ZC3H7B: variants seen among roughly 807,000 people sequenced by gnomAD.
The protein encoded by ZC3H7B is zinc finger CCCH-type containing 7B, also known as zinc finger CCCH domain-containing protein 7B.
Under a neutral mutation model 116.0 loss-of-function variants are expected in ZC3H7B, and 35 were observed. The observed-to-expected ratio is 0.30, with a 90% confidence interval of 0.23 to 0.40. The LOEUF (loss-of-function observed/expected upper bound fraction) is 0.40. Among genes scored for constraint, ZC3H7B ranks in the 10% least tolerant of loss-of-function variants. The probability of loss-of-function intolerance (pLI) is 1.00; values close to 1 mark genes in which losing one functional copy is unlikely to be tolerated. For synonymous variants in ZC3H7B, 502 were observed against 545.6 expected (o/e 0.92, Z 1.11); for missense variants, 1,011 against 1,321.5 (o/e 0.77, Z 3.64).
chr22:41,318,615 GGC>G (rs1288176296), intron 1 of ZC3H7B, among the ~76,000 whole-genome samples: 1 of 151,894 alleles, frequency 6.6e-6, no homozygotes, highest in East Asian at 1.9e-4. Flanking sequence ...GAGGCATGGT[GGC>G]GCGCGCCTGT....
In ZC3H7B at chr22:41,355,488, G is replaced by C. The variant is rs778293601; in HGVS notation, c.2054G>C (p.Gly685Ala). The C allele has an allele frequency of 6.2e-7, 1 of 1,614,116 alleles. No homozygotes were observed. The highest frequency in any genetic ancestry group is 8.5e-7 in the Non-Finnish European group (1 of 1,180,012). Residue 685 changes from glycine to alanine, a missense_variant, in exon 18 of 23, where the codon GGG (glycine) becomes GCG (alanine). Transcript: ENST00000352645. Reference sequence around the variant, plus strand: ...CCACAGGGTGCTCCGAGGACACATGGGCCCAGCACCTTTGACCTGCAGATG... The same window carrying C: ...CCACAGGGTGCTCCGAGGACACATGCGCCCAGCACCTTTGACCTGCAGATG... ...SSSMGAPRTH[G>A]PSTFDLQMKF...
At chr22:41,335,872 A>ACCT (rs1346503629) in intron 7 of ZC3H7B, 2 of 152,798 alleles carry the variant, frequency 1.3e-5, no homozygotes, top group Non-Finnish European at 2.9e-5. Context: ...GTGGGATGAT[A>ACCT]CCTCGCAGGG....
At position 41,327,361 on chromosome 22, in the gene ZC3H7B, C is replaced by T. The variant is rs542352889; in HGVS notation, c.441C>T (p.Pro147=). 3.3e-5 allele frequency: 53 copies of T among 1,610,256 alleles called. 1 individual carries two copies. In the South Asian group the frequency reaches 4.8e-4, roughly 15 times the overall value. Residue 147 remains proline (P), a synonymous_variant, in exon 5 of 23, where the codon CCC becomes CCT. Transcript: ENST00000352645. This position sits in a 1 kb window ranked among gnomAD's most constrained non-coding sequence, Gnocchi z 4.5. Reference sequence around the variant, plus strand: ...GCAGCCGGTGTTCCCTCGCCCTGCCCCACGTGAGTGTGGCTCTGCAGCCAC... The same window carrying T: ...GCAGCCGGTGTTCCCTCGCCCTGCCTCACGTGAGTGTGGCTCTGCAGCCAC... ...ECSSRCSLAL[P]HDESVTQLGQ...
rs1388930074 is a variant in ZC3H7B, at chr22:41,327,114, G to A, written c.286-92G>A. 1 of 1,536,332 alleles carries A rather than the reference G, an allele frequency of 6.5e-7. No homozygotes were observed. Reference sequence around the variant, plus strand: ...AGCTCCTCTGTCTCTGCCAGGAAGGGAAGCTGGTGTTCCTTCCTAGGCAGG... The same window carrying A: ...AGCTCCTCTGTCTCTGCCAGGAAGGAAAGCTGGTGTTCCTTCCTAGGCAGG... On this transcript the variant is annotated intron_variant, in intron 4 of 22. Coordinates refer to ENST00000352645, the MANE Select transcript of ZC3H7B (RefSeq NM_017590.6). This position sits in a 1 kb window ranked among gnomAD's most constrained non-coding sequence, Gnocchi z 4.5.
intron 1 of ZC3H7B, among the ~76,000 whole-genome samples, chr22:41,309,605 G>A (rs1048717822): frequency 2.6e-5 from 4 of 152,102 alleles, no homozygotes; most frequent in African/African-American, 4.8e-5. Context: ...GTGAACCACC[G>A]CATCCGGCCC....
In ZC3H7B at chr22:41,348,120, G is replaced by A. The variant is rs1473747393; in HGVS notation, c.1719G>A (p.Pro573=). 12 of 1,613,998 alleles carry A rather than the reference G, an allele frequency of 7.4e-6. No individual in the cohort carries two copies. Among genetic ancestry groups the A allele is most frequent in the Admixed American group, 1.7e-5 (1 of 60,026 alleles). The change falls in exon 15 of 23, where the codon CCG becomes CCA. Residue 573 remains proline, a synonymous_variant. Transcript: ENST00000352645. The stretch of plus-strand genomic sequence containing the variant: ...TCAGCAAAGGCACCAAGGACTCTCC[G>A]TCTGTCTGCTCCAACCTGGCTGCCA... ...RIISKGTKDS[P]SVCSNLAAKH... is the part of the protein sequence containing the mutation.
chr22:41,325,998 A>G (rs1222548789), intron 4 of ZC3H7B, 80 bp downstream of exon 4: 1 of 1,490,622 alleles, frequency 6.7e-7, no homozygotes, highest in Admixed American at 2.1e-5. Flanking sequence ...CCCATACCCC[A>G]GTGAGCCTGT....
Position 41,301,763 on chromosome 22 carries a change from C to A in ZC3H7B, c.-16C>A, listed in dbSNP as rs1601753686. The A allele has an allele frequency of 6.6e-6, 1 of 151,902 alleles. No homozygotes were observed. The allele number at this position is 151,902 out of a possible 1,614,324, so 9.4% of individuals were successfully genotyped here. On this transcript the variant is annotated 5_prime_UTR_variant, in exon 1 of 23. Transcript: ENST00000352645. ...CGGCGCAGGCCCGCGGGGAGCGCAGCCCGGCGGAGGTGAGTGCTTGGCGCG... is the reference window on the plus strand; with the variant it reads ...CGGCGCAGGCCCGCGGGGAGCGCAGACCGGCGGAGGTGAGTGCTTGGCGCG...
At chr22:41,332,091 C>T in intron 6 of ZC3H7B, 80 bp from the exon 7 acceptor site, 1 of 1,547,968 alleles carries the variant, frequency 6.5e-7, no homozygotes, top group South Asian at 1.1e-5. Context: ...GTCAGGGCCT[C>T]TTTGCTGCCC....
chr22:41,313,411 C>T (rs1378731074), intron 1 of ZC3H7B, among the ~76,000 whole-genome samples: 4 of 152,170 alleles, frequency 2.6e-5, no homozygotes, highest in Admixed American at 2.6e-4. Context: ...CGTACCCGGC[C>T]AGATGTCACA....
intron 10 of ZC3H7B, 80 bp from the exon 11 acceptor site, chr22:41,341,008 A>G (rs571870858): frequency 2.1e-6 from 3 of 1,408,518 alleles, no homozygotes; most frequent in East Asian, 4.7e-5. Flanking sequence ...CGAGTCAGCA[A>G]TACATAAGGG....
chr22:41,326,117 C>T (rs528139404), intron 4 of ZC3H7B, among the ~76,000 whole-genome samples, 199 bp downstream of exon 4: 1 of 152,288 alleles, frequency 6.6e-6, no homozygotes, highest in South Asian at 2.1e-4. Context: ...TTTAAAAGTA[C>T]GGATGCATAA....
At chr22:41,315,352 G>GT (rs34182958) in intron 1 of ZC3H7B, among the ~76,000 whole-genome samples, 44,773 of 118,296 alleles carry the variant, frequency 0.38, 9,699 homozygotes, top group African/African-American at 0.47. Context: ...AATTTCTAGT[G>GT]TTTTTTTTTT....
At chr22:41,353,121 G>A (rs766319049) in intron 17 of ZC3H7B, among the ~76,000 whole-genome samples, 1 of 151,960 alleles carries the variant, frequency 6.6e-6, no homozygotes, top group Non-Finnish European at 1.5e-5. Context: ...GGAGAAATAC[G>A]TTGAGACCTT....
At chr22:41,332,355 C>G (rs771723765) in intron 7 of ZC3H7B, 128 bp downstream of exon 7, 2 of 1,137,220 alleles carry the variant, frequency 1.8e-6, no homozygotes, top group Non-Finnish European at 2.6e-6. Flanking sequence ...AGGTACCTCC[C>G]GTGTCCACGG....
chr22:41,341,327 G>A (rs987824645), intron 11 of ZC3H7B, among the ~76,000 whole-genome samples, 181 bp downstream of exon 11: 2 of 152,164 alleles, frequency 1.3e-5, no homozygotes, highest in Non-Finnish European at 1.5e-5. Context: ...CATATGCTGG[G>A]CGGGCACACA....
At chr22:41,317,810 G>T (rs2036203416) in intron 1 of ZC3H7B, among the ~76,000 whole-genome samples, 1 of 151,982 alleles carries the variant, frequency 6.6e-6, no homozygotes, top group African/African-American at 2.4e-5. Flanking sequence ...TTTCCCAGAG[G>T]AGGGAAGGGT....
chr22:41,339,510 C>T (rs2036490420), intron 9 of ZC3H7B, among the ~76,000 whole-genome samples: 1 of 151,968 alleles, frequency 6.6e-6, no homozygotes, highest in Admixed American at 6.6e-5. Flanking sequence ...CCTGTGGTCT[C>T]AGCTCCTCAG....
intron 1 of ZC3H7B, among the ~76,000 whole-genome samples, chr22:41,320,331 C>CAA (rs74353356): frequency 1.0e-4 from 9 of 86,464 alleles, no homozygotes; most frequent in Admixed American, 2.4e-4. Context: ...ACTCTGTATC[C>CAA]AAAAAAAAAA....
Sources: allele counts gnomAD v4.1 joint callset (sites outside exome capture counted in the v4.1 genomes callset), GRCh38; gene constraint gnomAD v4.1.1; non-coding constraint Gnocchi (gnomAD v3.1); transcripts MANE v1.5; gene names NCBI Gene and HGNC (gene_info 2026-07-23, HGNC 2026-07-21).